ARFIP1: variants seen among roughly 807,000 people sequenced by gnomAD.
The protein encoded by ARFIP1 is ARF interacting protein 1.
A neutral mutation model predicts 42.5 loss-of-function variants in ARFIP1; 24 were observed. The observed-to-expected ratio is 0.57, with a 90% CI of 0.41 to 0.80. The LOEUF is 0.80. ARFIP1 is among the 30% of genes least tolerant of loss of function. ARFIP1 has a pLI of 0.00. For synonymous variants in ARFIP1, 141 were observed against 153.7 expected (o/e 0.92, Z 0.61); for missense variants, 354 against 434.0 (o/e 0.82, Z 1.64).
At chr4:152,819,749 G>T (rs969303365) in intron 1 of ARFIP1, among the ~76,000 whole-genome samples, 1 of 152,156 alleles carries the variant, frequency 6.6e-6, no homozygotes, top group Non-Finnish European at 1.5e-5. Context: ...TCTGGGCTTG[G>T]TAGACAAAGT....
Position 152,780,012 on chromosome 4 carries a change from C to G in ARFIP1, c.-224C>G, listed in dbSNP as rs1196741448. ...GGTTCTGGAGGCTGGGTTGAGAGGT[C>G]GCCGGTCCGACTGTCCTCGGCGGTT... On this transcript the variant is annotated 5_prime_UTR_variant, in exon 1 of 9. Transcript: ENST00000353617. The G allele has an allele frequency of 6.6e-6, 1 of 152,570 alleles. No individual in the cohort carries two copies. The highest frequency in any genetic ancestry group is 2.4e-5 in the African/African-American group (1 of 41,456). 9.5% of individuals were successfully genotyped at this position (152,570 alleles called of 1,614,324 possible).
chr4:152,868,902 T>A (rs891647689), intron 3 of ARFIP1, among the ~76,000 whole-genome samples: 4 of 152,212 alleles, frequency 2.6e-5, no homozygotes, highest in African/African-American at 9.6e-5. Flanking sequence ...TCAGAACATC[T>A]GAGTCTCTAA....
intron 8 of ARFIP1, among the ~76,000 whole-genome samples, chr4:152,896,296 ACAAGG>A: frequency 6.6e-6 from 1 of 152,244 alleles, no homozygotes; most frequent in Non-Finnish European, 1.5e-5. Context: ...TAACATAGGT[ACAAGG>A]TTATTCATTG....
intron 2 of ARFIP1, among the ~76,000 whole-genome samples, chr4:152,862,262 A>G (rs1234066298): frequency 6.6e-6 from 1 of 152,126 alleles, no homozygotes; most frequent in Non-Finnish European, 1.5e-5. Flanking sequence ...AGCGTTCCAT[A>G]TCATCCATGT....
chr4:152,907,744 T>TC (rs1211596880), intron 8 of ARFIP1, among the ~76,000 whole-genome samples: 7 of 152,222 alleles, frequency 4.6e-5, no homozygotes, highest in Non-Finnish European at 1.0e-4. Context: ...CTATATAGTA[T>TC]CCCCATTGCG....
chr4:152,906,766 C>T (rs1738391809), intron 8 of ARFIP1, among the ~76,000 whole-genome samples: 1 of 152,168 alleles, frequency 6.6e-6, no homozygotes, highest in Non-Finnish European at 1.5e-5. Flanking sequence ...AACCCATTAC[C>T]TGTCTTACCG....
At position 152,859,628 on chromosome 4, in the gene ARFIP1, T is replaced by C. The variant is rs544303791; in HGVS notation, c.94-3978T>C. On this transcript the variant is annotated intron_variant, in intron 2 of 8. Coordinates refer to ENST00000353617, the MANE Select transcript of ARFIP1 (RefSeq NM_001025595.3). ...TTCCTATCCCTACTGAAGGTACTTA[T>C]TTTTAATGATCTTCCAGCTGGGCTT... Among the ~76,000 whole-genome samples the C allele has an allele frequency of 3.3e-5, 5 of 152,248 alleles. No homozygotes were observed. In the East Asian group the frequency reaches 9.6e-4, roughly 29 times the overall value.
intron 8 of ARFIP1, among the ~76,000 whole-genome samples, chr4:152,900,949 A>G (rs546989921): frequency 6.6e-6 from 1 of 152,248 alleles, no homozygotes; most frequent in Non-Finnish European, 1.5e-5. Flanking sequence ...TGCTTTGAAG[A>G]ACTTAACAAT....
At chr4:152,877,087 C>CT (rs887000217) in intron 5 of ARFIP1, among the ~76,000 whole-genome samples, 1 of 152,200 alleles carries the variant, frequency 6.6e-6, no homozygotes, top group African/African-American at 2.4e-5. Context: ...GCCCCCCACA[C>CT]AGAGTCCCTA....
intron 1 of ARFIP1, among the ~76,000 whole-genome samples, chr4:152,816,849 CCTT>C (rs923965727): frequency 6.6e-6 from 1 of 152,196 alleles, no homozygotes; most frequent in African/African-American, 2.4e-5. Flanking sequence ...TTTCCACTCT[CCTT>C]CTTATTCCTC....
At chr4:152,858,032 CT>C (rs1338843373) in intron 2 of ARFIP1, among the ~76,000 whole-genome samples, 1 of 152,202 alleles carries the variant, frequency 6.6e-6, no homozygotes, top group East Asian at 1.9e-4. Flanking sequence ...TGGGTCACAC[CT>C]GCAATTCCGC....
At chr4:152,783,407 T>G (rs192651119) in intron 1 of ARFIP1, among the ~76,000 whole-genome samples, 39 of 152,348 alleles carry the variant, frequency 2.6e-4, no homozygotes, top group Admixed American at 2.5e-3. Flanking sequence ...ACTGTAACAG[T>G]TACATTTATT....
intron 2 of ARFIP1, among the ~76,000 whole-genome samples, chr4:152,860,554 T>G (rs912072468): frequency 6.6e-6 from 1 of 152,172 alleles, no homozygotes; most frequent in African/African-American, 2.4e-5. Context: ...TACCGTAATA[T>G]AAATACTTTA....
chr4:152,857,260 A>G (rs7673391), intron 2 of ARFIP1, among the ~76,000 whole-genome samples: 7,909 of 152,316 alleles, frequency 0.052, 693 homozygotes, highest in African/African-American at 0.18. Context: ...GTTTGAGAAC[A>G]TATTTCTATT....
chr4:152,782,159 C>T (rs1293646751), intron 1 of ARFIP1, among the ~76,000 whole-genome samples: 2 of 151,094 alleles, frequency 1.3e-5, no homozygotes, highest in Non-Finnish European at 2.9e-5. Context: ...AGATATATAG[C>T]TTCTTGATAG....
At chr4:152,872,302 T>C in intron 4 of ARFIP1, 150 bp from the exon 5 acceptor site, 1 of 586,268 alleles carries the variant, frequency 1.7e-6, no homozygotes. Flanking sequence ...TCCTCAGCGA[T>C]TCCAGGAAGT....
At chr4:152,790,019 G>T (rs1262117405) in intron 1 of ARFIP1, among the ~76,000 whole-genome samples, 2 of 152,158 alleles carry the variant, frequency 1.3e-5, no homozygotes, top group Non-Finnish European at 2.9e-5. Context: ...CTGTTGGAAT[G>T]TCATTGCTTC....
chr4:152,781,578 A>G (rs970231285), intron 1 of ARFIP1, among the ~76,000 whole-genome samples: 1 of 152,058 alleles, frequency 6.6e-6, no homozygotes, highest in Non-Finnish European at 1.5e-5. Flanking sequence ...GCGGCTACAG[A>G]TTACTATATT....
intron 8 of ARFIP1, 77 bp downstream of exon 8, chr4:152,888,384 C>A: frequency 9.7e-7 from 1 of 1,033,292 alleles, no homozygotes; most frequent in Non-Finnish European, 1.4e-6. Flanking sequence ...TTTTCTGTTT[C>A]TGTTAACTCT....
Sources: gnomAD v4.1 joint callset for allele counts (sites outside exome capture counted in the v4.1 genomes callset) on GRCh38, gnomAD v4.1.1 for gene constraint, MANE v1.5 for transcripts, NCBI Gene and HGNC (gene_info 2026-07-23, HGNC 2026-07-21) for gene names.